The following ENAH variants were observed in gnomAD, a reference collection of about 807,000 sequenced individuals.
The protein encoded by ENAH is protein enabled homolog.
A neutral mutation model predicts 78.7 loss-of-function variants in ENAH; 23 were observed. The observed-to-expected ratio is 0.29, with a 90% CI of 0.21 to 0.41. The LOEUF (loss-of-function observed/expected upper bound fraction) is 0.41. Ranked by LOEUF, ENAH falls within the 10% of genes least tolerant of loss-of-function variation. The probability of loss-of-function intolerance (pLI) is 1.00; values close to 1 mark genes in which losing one functional copy is unlikely to be tolerated. For synonymous variants in ENAH, 226 were observed against 241.0 expected (o/e 0.94, Z 0.58); for missense variants, 544 against 691.0 (o/e 0.79, Z 2.39).
rs757207213 is a variant in ENAH, at chr1:225,501,087, T to A, written c.1539-17A>T. 1.2e-6 allele frequency: 2 copies of A among 1,601,384 alleles called. No homozygotes were observed. Among genetic ancestry groups the A allele is most frequent in the East Asian group, 2.2e-5 (1 of 44,826 alleles). On this transcript the variant is annotated splice_polypyrimidine_tract_variant and intron_variant, in intron 11 of 13. Transcript: ENST00000366843. ...GATTTTGGTCTGTATAAATGAGATT[T>A]CCAGGACAGGTAAACAACATTCTTA...
In ENAH at chr1:225,652,668, G is replaced by A; in HGVS notation, c.5+18C>T. ...CGGCACAATGGCCCGCCCGGCCCCC[G>A]CCCCGCGCGCCCCTCACCTCATGGT... On this transcript the variant is annotated intron_variant, in intron 1 of 13. Coordinates refer to ENST00000366843, the MANE Select transcript of ENAH (RefSeq NM_018212.6). The A allele has an allele frequency of 1.6e-6, 2 of 1,275,916 alleles. No homozygotes were observed. The highest frequency in any genetic ancestry group is 2.5e-5 in the South Asian group (1 of 39,278). The allele number at this position is 1,275,916 out of a possible 1,614,324, so 79.0% of individuals were successfully genotyped here.
intron 3 of ENAH, among the ~76,000 whole-genome samples, chr1:225,537,957 G>T (rs1164786383): frequency 6.6e-6 from 1 of 152,158 alleles, no homozygotes; most frequent in East Asian, 1.9e-4. Context: ...CTGCATTCAT[G>T]ATTTTCACAA....
intron 1 of ENAH, among the ~76,000 whole-genome samples, chr1:225,591,535 G>C (rs1200918442): frequency 3.3e-5 from 5 of 149,988 alleles, no homozygotes; most frequent in Non-Finnish European, 7.4e-5. Flanking sequence ...GGGAGTCCAA[G>C]GTGGGCGGAT....
chr1:225,579,754 A>T (rs1349812761), intron 1 of ENAH, among the ~76,000 whole-genome samples: 1 of 152,250 alleles, frequency 6.6e-6, no homozygotes, highest in African/African-American at 2.4e-5. Flanking sequence ...TTAGAAGAAT[A>T]TGTCTTTACA....
chr1:225,590,082 A>AACACACACACACACACAC (rs3050220), intron 1 of ENAH, among the ~76,000 whole-genome samples: 5 of 131,416 alleles, frequency 3.8e-5, no homozygotes, highest in Non-Finnish European at 8.1e-5. Flanking sequence ...CTCATCACTC[A>AACACACACACACACACAC]ACACACACAC....
intron 1 of ENAH, among the ~76,000 whole-genome samples, chr1:225,631,159 TACTG>T (rs1462721067): frequency 1.3e-5 from 2 of 152,180 alleles, no homozygotes; most frequent in Admixed American, 6.5e-5. Context: ...CTATACCCTA[TACTG>T]ACTGACAATT....
chr1:225,614,184 A>G (rs887420331), intron 1 of ENAH, among the ~76,000 whole-genome samples: 9 of 151,286 alleles, frequency 5.9e-5, no homozygotes, highest in African/African-American at 2.2e-4. Flanking sequence ...TCAGCCTCCT[A>G]AGTAGCTGGG....
At chr1:225,601,537 A>G (rs1029680505) in intron 1 of ENAH, among the ~76,000 whole-genome samples, 6 of 151,416 alleles carry the variant, frequency 4.0e-5, no homozygotes, top group Admixed American at 3.3e-4. Flanking sequence ...AAAAAAAAAA[A>G]GAGAAGGTTC....
At chr1:225,635,183 C>A (rs963669784) in intron 1 of ENAH, among the ~76,000 whole-genome samples, 7 of 152,038 alleles carry the variant, frequency 4.6e-5, no homozygotes, top group African/African-American at 1.7e-4. Flanking sequence ...GTGTTTATTT[C>A]TTTAGATGCT....
At chr1:225,516,270 T>C (rs1197570728) in intron 6 of ENAH, among the ~76,000 whole-genome samples, 3 of 152,242 alleles carry the variant, frequency 2.0e-5, no homozygotes, top group East Asian at 1.9e-4. Context: ...TTTTGGACCT[T>C]GGAACCCTTT....
At chr1:225,649,629 A>G (rs922123206) in intron 1 of ENAH, among the ~76,000 whole-genome samples, 1 of 152,238 alleles carries the variant, frequency 6.6e-6, no homozygotes, top group Non-Finnish European at 1.5e-5. Flanking sequence ...ACTGTCCTGT[A>G]TAAGTAATAT....
intron 3 of ENAH, among the ~76,000 whole-genome samples, chr1:225,538,320 C>T (rs1048738339): frequency 4.6e-5 from 7 of 151,256 alleles, no homozygotes; most frequent in Admixed American, 6.6e-5. Flanking sequence ...ACAGTTGCTG[C>T]ATTAAAAAAA....
In ENAH at chr1:225,503,674, A is replaced by AAAAC. The variant is rs1553413071; in HGVS notation, c.1539-2605_1539-2604insGTTT. On this transcript the variant is annotated intron_variant, in intron 11 of 13. Transcript: ENST00000366843. The stretch of plus-strand genomic sequence containing the variant: ...AAACCACCTCAAAAAAAAAAAAAAA[A>AAAAC]AAAACACAAAACTATTTCACTACTG... Among the ~76,000 whole-genome samples the AAAAC allele has an allele frequency of 1.7e-4, 26 of 150,114 alleles. 1 individual carries two copies. Among genetic ancestry groups the AAAAC allele is most frequent in the Admixed American group, 6.7e-4 (10 of 14,926 alleles).
intron 4 of ENAH, among the ~76,000 whole-genome samples, chr1:225,528,459 G>T (rs186577870): frequency 6.0e-4 from 92 of 152,238 alleles, no homozygotes; most frequent in African/African-American, 2.0e-3. Context: ...GGCCAAAGAA[G>T]TAAACTGATG....
At chr1:225,561,051 T>C (rs1031267239) in intron 2 of ENAH, among the ~76,000 whole-genome samples, 3 of 151,794 alleles carry the variant, frequency 2.0e-5, no homozygotes, top group Admixed American at 6.6e-5. Context: ...CTGGCCAACA[T>C]GGTGAAACCC....
intron 10 of ENAH, among the ~76,000 whole-genome samples, chr1:225,510,244 A>C (rs1480362092): frequency 6.6e-6 from 1 of 152,222 alleles, no homozygotes; most frequent in African/African-American, 2.4e-5. Flanking sequence ...ATTTTATATA[A>C]GGGATTATAT....
Position 225,653,044 on chromosome 1 carries a change from C to T in ENAH, c.-354G>A. The T allele has an allele frequency of 5.7e-6, 1 of 174,716 alleles. No homozygotes were observed. Among genetic ancestry groups the T allele is most frequent in the East Asian group, 1.5e-4 (1 of 6,576 alleles). 10.8% of individuals were successfully genotyped at this position (174,716 alleles called of 1,614,324 possible). On this transcript the variant is annotated 5_prime_UTR_variant, in exon 1 of 14. Coordinates refer to ENST00000366843, the MANE Select transcript of ENAH (RefSeq NM_018212.6). This position sits in a 1 kb window ranked among gnomAD's most constrained non-coding sequence, Gnocchi z 4.3. The stretch of plus-strand genomic sequence containing the variant: ...CCGCCGGGGCCGCGCGCCCGGCCGC[C>T]GCTCCACAGGCCCGCGCTCGCCGCG...
intron 2 of ENAH, among the ~76,000 whole-genome samples, chr1:225,557,581 G>A (rs2096673202): frequency 6.6e-6 from 1 of 152,198 alleles, no homozygotes; most frequent in African/African-American, 2.4e-5. Context: ...AGCACTTTGG[G>A]AGGCCAAGGC....
intron 1 of ENAH, among the ~76,000 whole-genome samples, chr1:225,651,050 G>A (rs1437599261): frequency 6.6e-6 from 1 of 151,538 alleles, no homozygotes; most frequent in African/African-American, 2.4e-5. Context: ...TGAGTTTAAG[G>A]ACATCAGTAA....
Sources: gnomAD v4.1 joint callset for allele counts (sites outside exome capture counted in the v4.1 genomes callset) on GRCh38, gnomAD v4.1.1 for gene constraint, Gnocchi (gnomAD v3.1) non-coding constraint, MANE v1.5 for transcripts, NCBI Gene and HGNC (gene_info 2026-07-23, HGNC 2026-07-21) for gene names.